The following FBXW8 variants were observed in gnomAD, a reference collection of about 807,000 sequenced individuals.
FBXW8 encodes F-box/WD repeat-containing protein 8.
FBXW8 carries 57 observed loss-of-function variants against 65.3 expected under a neutral mutation model. That is an observed-to-expected ratio of 0.87 (90% confidence interval 0.71 to 1.09). The LOEUF is 1.09. Among genes scored for constraint, FBXW8 ranks in the 50% least tolerant of loss-of-function variants. The pLI, the probability that FBXW8 is intolerant of heterozygous loss-of-function variation, is 0.00. For missense variants in FBXW8, 777 were observed against 814.8 expected, an observed-to-expected ratio of 0.95 and a Z score of 0.57; for synonymous variants, 308 against 330.2, an observed-to-expected ratio of 0.93 and a Z score of 0.73.
chr12:117,008,050 A>T (rs537522708), intron 7 of FBXW8, among the ~76,000 whole-genome samples: 27 of 152,358 alleles, frequency 1.8e-4, no homozygotes, highest in Non-Finnish European at 3.5e-4. Context: ...GAATTTGCAG[A>T]GAGTCTTTTT....
intron 7 of FBXW8, among the ~76,000 whole-genome samples, chr12:116,993,413 T>A (rs945547376): frequency 6.6e-6 from 1 of 152,168 alleles, no homozygotes; most frequent in Admixed American, 6.5e-5. Context: ...GTTTTTTGAT[T>A]TTTTAATAAT....
rs60235029 is a variant in FBXW8 at position 117,022,442 on chromosome 12, C to T, written c.1368-1705C>T. ...GGCTGAGGTGGGTAGATCCCTTGGCCCAGGAGTTCGAGACCAGCCTGAGCA... is the reference window on the plus strand; with the variant it reads ...GGCTGAGGTGGGTAGATCCCTTGGCTCAGGAGTTCGAGACCAGCCTGAGCA... On this transcript the variant is annotated intron_variant, in intron 8 of 10. Coordinates refer to ENST00000652555, the MANE Select transcript of FBXW8 (RefSeq NM_153348.3). Among the ~76,000 whole-genome samples the T allele has an allele frequency of 4.4e-3, 672 of 151,538 alleles. 6 individuals are homozygous for T. The highest frequency in any genetic ancestry group is 0.015 in the African/African-American group (632 of 41,312).
At chr12:116,950,932 G>A (rs1455152366) in intron 4 of FBXW8, 2 of 152,222 alleles carry the variant, frequency 1.3e-5, no homozygotes, top group African/African-American at 2.4e-5. Context: ...TCTGCCTAGA[G>A]TGTCAGAAGA....
intron 5 of FBXW8, among the ~76,000 whole-genome samples, chr12:116,974,478 C>T: frequency 6.6e-6 from 1 of 152,084 alleles, no homozygotes; most frequent in East Asian, 1.9e-4. Context: ...GCTCGGGATC[C>T]CCTAAAAAAA....
At chr12:117,008,363 G>A (rs1953727241) in intron 7 of FBXW8, among the ~76,000 whole-genome samples, 1 of 152,176 alleles carries the variant, frequency 6.6e-6, no homozygotes, top group Non-Finnish European at 1.5e-5. Flanking sequence ...GTTATTCTCT[G>A]ATGATAAGAG....
chr12:116,982,868 C>T (rs1187938604), intron 5 of FBXW8, among the ~76,000 whole-genome samples: 1 of 152,152 alleles, frequency 6.6e-6, no homozygotes, highest in East Asian at 1.9e-4. Context: ...ACGTCAGTTA[C>T]TCATTGAGCT....
intron 5 of FBXW8, among the ~76,000 whole-genome samples, chr12:116,972,455 T>C (rs777585443): frequency 9.9e-5 from 15 of 152,228 alleles, no homozygotes; most frequent in Non-Finnish European, 2.1e-4. Context: ...ATTTGTGGAA[T>C]GAATATATTT....
chr12:116,993,391 C>T (rs551604486), intron 7 of FBXW8, among the ~76,000 whole-genome samples: 8 of 152,114 alleles, frequency 5.3e-5, no homozygotes, highest in South Asian at 2.1e-4. Context: ...TGTGGGCCAC[C>T]GCACCCGGCC....
chr12:116,989,667 C>T (rs559622765), intron 7 of FBXW8, among the ~76,000 whole-genome samples: 36 of 152,240 alleles, frequency 2.4e-4, no homozygotes, highest in African/African-American at 6.5e-4. Flanking sequence ...TAGAACTCTC[C>T]CTACCAGTGG....
rs1884813291 is a variant in FBXW8 at position 116,974,599 on chromosome 12, A to G, written c.835+9745A>G. ...ATACAACAAAAGCTAGCAACCAGCAATGTAAAATTCACAATGTCTGTCATC... is the reference window on the plus strand; with the variant it reads ...ATACAACAAAAGCTAGCAACCAGCAGTGTAAAATTCACAATGTCTGTCATC... On this transcript the variant is annotated intron_variant, in intron 5 of 10. Transcript: ENST00000652555. 2.6e-5 allele frequency among the ~76,000 whole-genome samples: 4 copies of G among 152,216 alleles called. No homozygotes were observed. The South Asian group carries it at 8.3e-4, about 31-fold the overall frequency.
intron 2 of FBXW8, among the ~76,000 whole-genome samples, chr12:116,932,732 C>T (rs1167050660): frequency 6.6e-6 from 1 of 152,146 alleles, no homozygotes; most frequent in Non-Finnish European, 1.5e-5. Context: ...CGGGGTTTCA[C>T]CATGTTGGCC....
intron 5 of FBXW8, among the ~76,000 whole-genome samples, chr12:116,967,912 G>A (rs981570872): frequency 1.3e-5 from 2 of 151,960 alleles, no homozygotes; most frequent in African/African-American, 2.4e-5. Flanking sequence ...GATTACAGGC[G>A]CCTGCCACCA....
chr12:116,973,984 G>A (rs1162205193), intron 5 of FBXW8, among the ~76,000 whole-genome samples: 1 of 152,210 alleles, frequency 6.6e-6, no homozygotes, highest in African/African-American at 2.4e-5. Context: ...CTAGACATTG[G>A]AAAATAAGTA....
rs754639619 is a variant in FBXW8 at position 116,949,739 on chromosome 12, A to G, written c.677+33A>G. On this transcript the variant is annotated intron_variant, in intron 4 of 10. Transcript: ENST00000652555. ...AAACCGTTTCCACTGAGTGCTCTGC[A>G]TCTGAAGGTCTTTCATTTTTCTCAT... 12 of 1,597,310 alleles carry G rather than the reference A, an allele frequency of 7.5e-6. No individual in the cohort carries two copies. In the Admixed American group the frequency reaches 1.8e-4, roughly 24 times the overall value.
intron 5 of FBXW8, among the ~76,000 whole-genome samples, chr12:116,969,099 A>G (rs1283887634): frequency 1.3e-5 from 2 of 152,176 alleles, no homozygotes; most frequent in Admixed American, 1.3e-4. Context: ...GGCAGCTTAA[A>G]TTTACATCAA....
chr12:116,927,393 CCT>C (rs1375627189), intron 1 of FBXW8, among the ~76,000 whole-genome samples: 1 of 152,080 alleles, frequency 6.6e-6, no homozygotes, highest in African/African-American at 2.4e-5. Context: ...AGTGTAAGCC[CCT>C]GAGAGCATTA....
At chr12:116,924,188 C>T (rs1182772655) in intron 1 of FBXW8, among the ~76,000 whole-genome samples, 1 of 56,754 alleles carries the variant, frequency 1.8e-5, no homozygotes, top group Non-Finnish European at 6.0e-5. Flanking sequence ...TGTCCATTTT[C>T]ATGTTTTTAA....
At chr12:116,916,034 C>CT (rs1265685091) in intron 1 of FBXW8, among the ~76,000 whole-genome samples, 1 of 152,110 alleles carries the variant, frequency 6.6e-6, no homozygotes, top group East Asian at 1.9e-4. Context: ...ACTCATGTGT[C>CT]TTTGAGTTCT....
At chr12:117,017,031 A>G (rs1440586468) in intron 8 of FBXW8, among the ~76,000 whole-genome samples, 1 of 152,168 alleles carries the variant, frequency 6.6e-6, no homozygotes, top group Non-Finnish European at 1.5e-5. Context: ...CAGCTTTTTG[A>G]TTACAATACC....
Sources: gnomAD v4.1 joint callset for allele counts (sites outside exome capture counted in the v4.1 genomes callset) on GRCh38, gnomAD v4.1.1 for gene constraint, MANE v1.5 for transcripts, NCBI Gene and HGNC (gene_info 2026-07-23, HGNC 2026-07-21) for gene names.